The following SYVN1 variants were observed in gnomAD, a reference collection of about 807,000 sequenced individuals.
SYVN1 encodes the protein E3 ubiquitin-protein ligase synoviolin.
SYVN1 carries 17 observed loss-of-function variants against 62.6 expected under a neutral mutation model. That is an observed-to-expected ratio of 0.27 (90% CI 0.19 to 0.41). The LOEUF (loss-of-function observed/expected upper bound fraction) is 0.41. Among genes scored for constraint, SYVN1 ranks in the 10% least tolerant of loss-of-function variants. The pLI is 1.00. For synonymous variants in SYVN1, 316 were observed against 304.0 expected (o/e 1.04, Z -0.41); for missense variants, 634 against 818.0 (o/e 0.78, Z 2.74).
Position 65,131,115 on chromosome 11 carries a change from A to T in SYVN1, c.824+17T>A. On this transcript the variant is annotated intron_variant, in intron 9 of 15. Coordinates refer to ENST00000377190, the MANE Select transcript of SYVN1 (RefSeq NM_172230.3). ...CAGGACCGAGCTTGGGACAGCAGCC[A>T]TGACAAGCCTACTTACAGGGTGTTC... The T allele has an allele frequency of 6.2e-7, 1 of 1,614,198 alleles. No individual in the cohort carries two copies. Among genetic ancestry groups the T allele is most frequent in the Non-Finnish European group, 8.5e-7 (1 of 1,180,004 alleles).
At chr11:65,134,348 C>T (rs1299920069) in intron 1 of SYVN1, 108 bp downstream of exon 1, 27 of 152,742 alleles carry the variant, frequency 1.8e-4, no homozygotes, top group Admixed American at 1.8e-3. Flanking sequence ...AGCTGACAGG[C>T]CGAAAGCGTG....
At chr11:65,131,434 C>T (rs778577522) in intron 7 of SYVN1, 36 bp downstream of exon 7, 1 of 1,613,932 alleles carries the variant, frequency 6.2e-7, no homozygotes, top group Admixed American at 1.7e-5. Flanking sequence ...GTGGAGGATG[C>T]TGGTCCAGAT....
chr11:65,130,916 C>G lies in SYVN1; in HGVS notation c.941+4G>C. 1 of 1,613,708 alleles carries G rather than the reference C, an allele frequency of 6.2e-7. No homozygotes were observed. The highest frequency in any genetic ancestry group is 8.5e-7 in the Non-Finnish European group (1 of 1,180,010). On this transcript the variant is annotated splice_donor_region_variant and intron_variant, in intron 10 of 15. Transcript: ENST00000377190. Reference sequence around the variant, plus strand: ...CTGTGCAGGCTCCCCAGGGCCCCTCCCACCTGGTATGGAAAATGTGGTTGC... The same window carrying G: ...CTGTGCAGGCTCCCCAGGGCCCCTCGCACCTGGTATGGAAAATGTGGTTGC...
Position 65,127,385 on chromosome 11 carries a change from G to A in SYVN1, c.*997C>T. ...TCTGAAACTGTCTCCAACAACTCTT[G>A]TAACACAAAACCAAGGGGAAAAGAC... On this transcript the variant is annotated 3_prime_UTR_variant, in exon 16 of 16. Transcript: ENST00000377190. The A allele has an allele frequency of 4.2e-6, 1 of 238,998 alleles. No individual in the cohort carries two copies. Among genetic ancestry groups the A allele is most frequent in the Non-Finnish European group, 8.1e-6 (1 of 123,656 alleles). 14.8% of individuals were successfully genotyped at this position (238,998 alleles called of 1,614,324 possible).
At chr11:65,132,183 G>T in intron 6 of SYVN1, 65 bp downstream of exon 6, 1 of 1,275,282 alleles carries the variant, frequency 7.8e-7, no homozygotes, top group Non-Finnish European at 1.1e-6. Context: ...GGGTCTGTTG[G>T]GTTATTCAAG....
At position 65,128,038 on chromosome 11, in the gene SYVN1, C is replaced by G; in HGVS notation, c.*344G>C. On this transcript the variant is annotated 3_prime_UTR_variant, in exon 16 of 16. Coordinates refer to ENST00000377190, the MANE Select transcript of SYVN1 (RefSeq NM_172230.3). Reference sequence around the variant, plus strand: ...GCACTGCAGTGTGACTCCGCACATACAAGTAGGGCTTGGAGGGGCAGCCCC... The same window carrying G: ...GCACTGCAGTGTGACTCCGCACATAGAAGTAGGGCTTGGAGGGGCAGCCCC... 2.3e-6 allele frequency: 1 copy of G among 435,418 alleles called. No individual in the cohort carries two copies. Among genetic ancestry groups the G allele is most frequent in the Non-Finnish European group, 4.2e-6 (1 of 238,480 alleles). 27.0% of individuals were successfully genotyped at this position (435,418 alleles called of 1,614,324 possible).
In SYVN1 at chr11:65,131,036, C is replaced by A. The variant is rs1435488199; in HGVS notation, c.825G>T (p.Leu275=). 1 of 1,614,124 alleles carries A rather than the reference C, an allele frequency of 6.2e-7. No individual in the cohort carries two copies. Among genetic ancestry groups the A allele is most frequent in the East Asian group, 2.2e-5 (1 of 44,880 alleles). ...SRRAIRNMNT[L]YPDATPEELQ... The stretch of plus-strand genomic sequence containing the variant: ...GCTCCTCTGGGGTGGCATCTGGATA[C>A]CTGGTTAGGATGACAGGGGCTGTAT... Residue 275 remains leucine (L), a splice_region_variant and synonymous_variant, in exon 10 of 16, where the codon CTG becomes CTT. Coordinates refer to ENST00000377190, the MANE Select transcript of SYVN1 (RefSeq NM_172230.3).
At chr11:65,129,077 G>T (rs1948141557) in intron 14 of SYVN1, 2 of 216,564 alleles carry the variant, frequency 9.2e-6, no homozygotes, top group African/African-American at 4.6e-5. Flanking sequence ...ACTGCTAGAT[G>T]CCAGGCATTA....
chr11:65,129,657 A>T, intron 14 of SYVN1, 72 bp downstream of exon 14: 1 of 1,478,286 alleles, frequency 6.8e-7, no homozygotes, highest in Non-Finnish European at 9.4e-7. Flanking sequence ...GCCAAGAACC[A>T]CTGCTGGGGA....
Position 65,130,038 on chromosome 11 carries a change from G to T in SYVN1, c.1372C>A (p.Pro458Thr), listed in dbSNP as rs201677782. The change falls in exon 13 of 16, where the codon CCT (proline) becomes ACT (threonine). Residue 458 changes from proline to threonine, a missense_variant. Physicochemically the swap from Pro to Thr is conservative, Grantham distance 38. Around this residue, in one of 2 missense-constraint regions of SYVN1, gnomAD observed 351 missense variants for 373.3 expected, o/e 0.94. Transcript: ENST00000377190. ...AGPAPGFPFP[P>T]PWMGMPLPPP... Reference sequence around the variant, plus strand: ...GGCAGGGGCATACCCATCCAGGGAGGAGGGAAGGGGAAACCAGGGGCAGGG... The same window carrying T: ...GGCAGGGGCATACCCATCCAGGGAGTAGGGAAGGGGAAACCAGGGGCAGGG... 453 of 1,602,692 alleles carry T rather than the reference G, an allele frequency of 2.8e-4. No individual in the cohort carries two copies. The highest frequency in any genetic ancestry group is 3.4e-4 in the Admixed American group (20 of 58,750).
rs1165292111 is a variant in SYVN1, at chr11:65,130,398, G to A, written c.1106-19C>T. Reference sequence around the variant, plus strand: ...TGGGGGACTGCAGAGAGAAGACGGAGGTAAGGAAAGGGCCAAATGGACACA... The same window carrying A: ...TGGGGGACTGCAGAGAGAAGACGGAAGTAAGGAAAGGGCCAAATGGACACA... On this transcript the variant is annotated intron_variant, in intron 11 of 15. Transcript: ENST00000377190. 1.3e-6 allele frequency: 2 copies of A among 1,517,382 alleles called. No homozygotes were observed. Among genetic ancestry groups the A allele is most frequent in the East Asian group, 2.3e-5 (1 of 43,864 alleles). 94.0% of individuals were successfully genotyped at this position (1,517,382 alleles called of 1,614,324 possible).
chr11:65,130,133 G>C lies in SYVN1; in HGVS notation c.1277C>G (p.Ala426Gly). 6.2e-7 allele frequency: 1 copy of C among 1,610,178 alleles called. No individual in the cohort carries two copies. Among genetic ancestry groups the C allele is most frequent in the Non-Finnish European group, 8.5e-7 (1 of 1,177,608 alleles). ...RPSGAATTTA[A>G]GTSATAASAT... ...AGAAGCAGCAGTAGCACTGGTGCCA[G>C]CAGCTGTGGTTGTAGCTGCTCCACT... Residue 426 changes from alanine (A) to glycine (G), a missense_variant, in exon 13 of 16, where the codon GCT becomes GGT. By Grantham distance (60) the Ala-to-Gly change is moderately conservative. Transcript: ENST00000377190.
chr11:65,129,054 A>G (rs1239860542), intron 14 of SYVN1: 3 of 257,172 alleles, frequency 1.2e-5, no homozygotes, highest in Non-Finnish European at 1.5e-5. Flanking sequence ...TTCCTCTCCA[A>G]GCCTGTGCTG....
rs202065460 is a variant in SYVN1, at chr11:65,128,532, GC to G, written c.1747+30del. 1,357 of 1,613,228 alleles carry G rather than the reference GC, an allele frequency of 8.4e-4. 15 individuals carry two copies. In the African/African-American group the frequency reaches 0.017, roughly 20 times the overall value. On this transcript the variant is annotated intron_variant, in intron 15 of 15. Transcript: ENST00000377190. Reference sequence around the variant, plus strand: ...GAAGTGGAACCTAGAGAAGTTCCCTGCTCCCCCGGCTGGAGGCCAATCACAC... The same window carrying G: ...GAAGTGGAACCTAGAGAAGTTCCCTGTCCCCCGGCTGGAGGCCAATCACAC...
chr11:65,128,468 C>A lies in SYVN1; in HGVS notation c.1768G>T (p.Glu590Ter). ...RPPAPESVGT[E>*]EMPEDGEPDA... ...GGCTCTCCATCCTCAGGCATCTCCT[C>A]TGTGCCCACTGACTCAGGAGCTGGG... Residue 590 changes from glutamate to a stop codon, truncating the protein, a stop_gained, in exon 16 of 16, where the codon GAG becomes TAG. Transcript: ENST00000377190. LOFTEE classifies it high-confidence loss of function. 1 of 1,614,162 alleles carries A rather than the reference C, an allele frequency of 6.2e-7. No homozygotes were observed.
At chr11:65,133,101 G>C in intron 3 of SYVN1, 27 bp from the exon 4 acceptor site, 3 of 1,614,168 alleles carry the variant, frequency 1.9e-6, no homozygotes, top group Non-Finnish European at 2.5e-6. Context: ...GAATAATGTG[G>C]ATACCAAACA....
rs866075289 is a variant in SYVN1, at chr11:65,131,279, G to A, written c.753C>T (p.Ala251=). 1.2e-6 allele frequency: 2 copies of A among 1,614,140 alleles called. No homozygotes were observed. Among genetic ancestry groups the A allele is most frequent in the Middle Eastern group, 1.6e-4 (1 of 6,062 alleles). ...PLFAIRPMYL[A]MRQFKKAVTD... ...GGGGACAGGGCCGGGCTCACCTCAT[G>A]GCCAGGTACATGGGCCGGATGGCAA... Residue 251 remains alanine, a synonymous_variant, in exon 8 of 16, where the codon GCC becomes GCT. Coordinates refer to ENST00000377190, the MANE Select transcript of SYVN1 (RefSeq NM_172230.3).
intron 5 of SYVN1, 81 bp downstream of exon 5, chr11:65,132,651 T>TG (rs1199183025): frequency 1.4e-6 from 2 of 1,438,076 alleles, no homozygotes; most frequent in African/African-American, 1.4e-5. Flanking sequence ...TGTACAGCTG[T>TG]GGGGGGTAGC....
Position 65,130,365 on chromosome 11 carries a change from G to A in SYVN1, c.1120C>T (p.Leu374=). The A allele has an allele frequency of 6.5e-7, 1 of 1,542,526 alleles. No individual in the cohort carries two copies. Among genetic ancestry groups the A allele is most frequent in the South Asian group, 1.3e-5 (1 of 79,662 alleles). Residue 374 remains leucine (L), a synonymous_variant, in exon 12 of 16, where the codon CTG becomes TTG. Transcript: ENST00000377190. ...PQPPNFPQGL[L]PPFPPGMFPL... Reference sequence around the variant, plus strand: ...AACATGCCTGGAGGAAAAGGAGGCAGGAGGCCCTGGGGGACTGCAGAGAGA... The same window carrying A: ...AACATGCCTGGAGGAAAAGGAGGCAAGAGGCCCTGGGGGACTGCAGAGAGA...
Sources: gnomAD v4.1 joint callset for allele counts on GRCh38, gnomAD v4.1.1 for gene constraint, gnomAD v4.1.1 regional missense constraint, MANE v1.5 for transcripts, NCBI Gene and HGNC (gene_info 2026-07-23, HGNC 2026-07-21) for gene names.